FAF1: variants seen among roughly 807,000 people sequenced by gnomAD.
FAF1 encodes FAS-associated factor 1.
In FAF1, 25 loss-of-function variants were observed where a neutral mutation model predicts 92.5. The ratio of observed to expected loss-of-function variants is 0.27; its 90% confidence interval spans 0.20 to 0.38. The LOEUF (loss-of-function observed/expected upper bound fraction) is 0.38. FAF1 is among the 10% of genes least tolerant of loss of function. The pLI is 1.00. For missense variants in FAF1, 636 were observed against 793.3 expected (o/e 0.80, Z 2.38); for synonymous variants, 234 against 273.2 (o/e 0.86, Z 1.42).
intron 18 of FAF1, among the ~76,000 whole-genome samples, chr1:50,474,856 G>A (rs183880005): frequency 6.6e-6 from 1 of 152,302 alleles, no homozygotes; most frequent in Admixed American, 6.5e-5. Flanking sequence ...TTCCCTACAA[G>A]GAAATGGTGG....
At chr1:50,591,674 G>GAAA (rs35426054) in intron 9 of FAF1, among the ~76,000 whole-genome samples, 2 of 93,666 alleles carry the variant, frequency 2.1e-5, no homozygotes, top group African/African-American at 7.8e-5. Context: ...CTCCATCTCA[G>GAAA]AAAAAAAAAA....
chr1:50,676,822 AAT>A (rs891757788), intron 7 of FAF1, among the ~76,000 whole-genome samples: 31 of 152,230 alleles, frequency 2.0e-4, no homozygotes, highest in African/African-American at 7.0e-4. Context: ...ACTCCATCTA[AAT>A]ATATATATGC....
chr1:50,590,492 G>A (rs1354556282), intron 9 of FAF1, among the ~76,000 whole-genome samples: 1 of 152,108 alleles, frequency 6.6e-6, no homozygotes, highest in African/African-American at 2.4e-5. Context: ...TGTTGACTTT[G>A]TATCTTGGTA....
intron 1 of FAF1, among the ~76,000 whole-genome samples, chr1:50,906,259 C>T (rs970648363): frequency 8.5e-5 from 13 of 152,250 alleles, no homozygotes; most frequent in African/African-American, 3.1e-4. Flanking sequence ...GGTACCAGTA[C>T]CATGCTGTTT....
At chr1:50,458,299 T>G (rs1225535105) in intron 18 of FAF1, among the ~76,000 whole-genome samples, 2 of 152,124 alleles carry the variant, frequency 1.3e-5, no homozygotes, top group Non-Finnish European at 2.9e-5. Flanking sequence ...TTCAGCATAG[T>G]ATGGGGAAAG....
chr1:50,687,020 G>C (rs751821198), intron 7 of FAF1, among the ~76,000 whole-genome samples: 48 of 152,092 alleles, frequency 3.2e-4, no homozygotes, highest in Middle Eastern at 3.4e-3. Flanking sequence ...GCAGAGACAG[G>C]GTTTTGCCAT....
intron 8 of FAF1, among the ~76,000 whole-genome samples, chr1:50,623,144 G>A (rs1653291313): frequency 6.6e-6 from 1 of 152,164 alleles, no homozygotes; most frequent in South Asian, 2.1e-4. Context: ...TAAGTGCATC[G>A]AGTTCAAATC....
At chr1:50,611,125 T>C (rs79180055) in intron 8 of FAF1, among the ~76,000 whole-genome samples, 255 of 152,362 alleles carry the variant, frequency 1.7e-3, no homozygotes, top group African/African-American at 5.4e-3. Context: ...CCTCTTTAAA[T>C]TTACTTCATT....
chr1:50,474,964 T>C (rs1464793502), intron 18 of FAF1, among the ~76,000 whole-genome samples: 1 of 152,220 alleles, frequency 6.6e-6, no homozygotes, highest in Non-Finnish European at 1.5e-5. Context: ...CTATCAAATA[T>C]TGTGCTGTAA....
intron 1 of FAF1, among the ~76,000 whole-genome samples, chr1:50,942,813 G>A (rs1645144115): frequency 6.6e-6 from 1 of 151,888 alleles, no homozygotes; most frequent in Non-Finnish European, 1.5e-5. Context: ...TTCCCATAGG[G>A]TGACACAGAG....
At position 50,582,618 on chromosome 1, in the gene FAF1, A is replaced by C. The variant is rs761317779; in HGVS notation, c.1113T>G (p.Asp371Glu). 13 of 1,604,174 alleles carry C rather than the reference A, an allele frequency of 8.1e-6. No homozygotes were observed. In the African/African-American group the frequency reaches 1.5e-4, roughly 18 times the overall value. ...FQEAFYVKAR[D>E]RKLLAIYLHH... is the part of the protein sequence containing the mutation. ...TCAGAAAAGGTCAAACTGTACTTACATCTCGGGCTTTCACATAGAAGGCCT... is the reference window on the plus strand; with the variant it reads ...TCAGAAAAGGTCAAACTGTACTTACCTCTCGGGCTTTCACATAGAAGGCCT... Residue 371 changes from aspartate (D) to glutamate (E), a missense_variant and splice_region_variant, in exon 12 of 19, where the codon GAT becomes GAG. By Grantham distance (45) the Asp-to-Glu change is conservative (BLOSUM62 2). Transcript: ENST00000396153.
At chr1:50,848,010 A>G (rs1340316332) in intron 2 of FAF1, among the ~76,000 whole-genome samples, 3 of 152,210 alleles carry the variant, frequency 2.0e-5, no homozygotes, top group Non-Finnish European at 4.4e-5. Flanking sequence ...GCATCTTTCA[A>G]AAATGAAGAA....
intron 8 of FAF1, among the ~76,000 whole-genome samples, chr1:50,616,001 A>C (rs2124154668): frequency 6.6e-6 from 1 of 152,248 alleles, no homozygotes; most frequent in East Asian, 1.9e-4. Context: ...TTACATTTAA[A>C]TCTTTAATCC....
chr1:50,627,099 AGAT>A (rs908091867), intron 8 of FAF1, among the ~76,000 whole-genome samples: 19 of 152,148 alleles, frequency 1.2e-4, no homozygotes, highest in Admixed American at 1.1e-3. Flanking sequence ...CTCTAAGTGA[AGAT>A]GATAAGAAGG....
At chr1:50,617,336 G>A (rs1317772045) in intron 8 of FAF1, among the ~76,000 whole-genome samples, 1 of 152,160 alleles carries the variant, frequency 6.6e-6, no homozygotes, top group Non-Finnish European at 1.5e-5. Context: ...TGCCTCATCT[G>A]TTGAGGGTTT....
At chr1:50,814,445 AAAAC>A (rs1380212749) in intron 2 of FAF1, among the ~76,000 whole-genome samples, 1 of 152,196 alleles carries the variant, frequency 6.6e-6, no homozygotes, top group Non-Finnish European at 1.5e-5. Flanking sequence ...AATAAAATAA[AAAAC>A]AAACCGACTA....
At chr1:50,732,220 G>A (rs968476667) in intron 6 of FAF1, among the ~76,000 whole-genome samples, 3 of 151,782 alleles carry the variant, frequency 2.0e-5, no homozygotes, top group East Asian at 1.9e-4. Context: ...GACTACAGGC[G>A]CCCGCCACCA....
At chr1:50,507,877 T>C (rs1647079680) in intron 15 of FAF1, among the ~76,000 whole-genome samples, 1 of 152,238 alleles carries the variant, frequency 6.6e-6, no homozygotes, top group African/African-American at 2.4e-5. Flanking sequence ...TCATAGGACA[T>C]TCTGATAATC....
chr1:50,584,556 T>A (rs1651134950), intron 10 of FAF1, 129 bp downstream of exon 10: 3 of 805,982 alleles, frequency 3.7e-6, no homozygotes, highest in Non-Finnish European at 5.6e-6. Flanking sequence ...GAAGAATGCC[T>A]ACTCTCTATT....
Sources: allele counts gnomAD v4.1 joint callset (sites outside exome capture counted in the v4.1 genomes callset), GRCh38; gene constraint gnomAD v4.1.1; transcripts MANE v1.5; gene names NCBI Gene and HGNC (gene_info 2026-07-23, HGNC 2026-07-21).